AKAP10: variants seen among roughly 807,000 people sequenced by gnomAD.
AKAP10 encodes the protein A-kinase anchor protein 10, mitochondrial.
In AKAP10, 24 loss-of-function variants were observed where a neutral mutation model predicts 80.8. The ratio of observed to expected loss-of-function variants is 0.30; its 90% CI spans 0.22 to 0.42. AKAP10 has a LOEUF of 0.42. Ranked by LOEUF, AKAP10 falls within the 10% of genes least tolerant of loss-of-function variation. The probability of loss-of-function intolerance (pLI) is 1.00; values close to 1 mark genes in which losing one functional copy is unlikely to be tolerated. For synonymous variants in AKAP10, 291 were observed against 277.7 expected, an observed-to-expected ratio of 1.05 and a Z score of -0.48; for missense variants, 661 against 794.9, an observed-to-expected ratio of 0.83 and a Z score of 2.03.
intron 10 of AKAP10, among the ~76,000 whole-genome samples, chr17:19,927,289 G>A (rs1468011501): frequency 2.0e-5 from 3 of 152,072 alleles, no homozygotes; most frequent in Admixed American, 1.3e-4. Context: ...AGCTGTGATT[G>A]TGCCACTGCA....
rs2043053317 is a variant in AKAP10, at chr17:19,941,806, GA to G, written c.1061+19del. The G allele has an allele frequency of 6.6e-7, 1 of 1,526,656 alleles. No individual in the cohort carries two copies. Among genetic ancestry groups the G allele is most frequent in the Non-Finnish European group, 8.8e-7 (1 of 1,133,194 alleles). 94.6% of individuals were successfully genotyped at this position (1,526,656 alleles called of 1,614,324 possible). A position where few individuals can be genotyped will look rare whatever the true frequency, so the allele number is the denominator to read the frequency against. On this transcript the variant is annotated intron_variant, in intron 6 of 14. Transcript: ENST00000225737. ...CCAAATTCCCTAGGATGCACAATGTGAAAATATGAACTAACTTACTCTTGCT... is the reference window on the plus strand; with the variant it reads ...CCAAATTCCCTAGGATGCACAATGTGAAATATGAACTAACTTACTCTTGCT...
At chr17:19,941,706 G>T in intron 6 of AKAP10, 120 bp downstream of exon 6, 1 of 619,762 alleles carries the variant, frequency 1.6e-6, no homozygotes, top group Non-Finnish European at 2.4e-6. Flanking sequence ...ATATGATCTT[G>T]TAAATATCCA....
intron 5 of AKAP10, among the ~76,000 whole-genome samples, chr17:19,944,996 AACT>A (rs2043088072): frequency 6.6e-6 from 1 of 152,244 alleles, no homozygotes; most frequent in Admixed American, 6.5e-5. Flanking sequence ...AAAATAGTCC[AACT>A]GCAAGAGGAG....
intron 1 of AKAP10, 134 bp downstream of exon 1, chr17:19,977,458 A>C (rs929272923): frequency 1.7e-5 from 10 of 600,866 alleles, no homozygotes; most frequent in Non-Finnish European, 2.4e-5. Context: ...CAAGGCACTC[A>C]GGGGGCATCT....
At chr17:19,943,962 T>C (rs1270863060) in intron 5 of AKAP10, among the ~76,000 whole-genome samples, 1 of 151,870 alleles carries the variant, frequency 6.6e-6, no homozygotes, top group Non-Finnish European at 1.5e-5. Context: ...GGTTCTGTTT[T>C]GTGAGAGTTC....
chr17:19,914,241 T>C (rs976559180), intron 12 of AKAP10, among the ~76,000 whole-genome samples: 1 of 152,192 alleles, frequency 6.6e-6, no homozygotes, highest in Non-Finnish European at 1.5e-5. Flanking sequence ...GCTCAACCAA[T>C]TCTCCAACCC....
rs1177544834 is a variant in AKAP10 at position 19,946,271 on chromosome 17, ATATATT to A, written c.976+1130_976+1135del. The stretch of plus-strand genomic sequence containing the variant: ...TATATATATATATATATATATATAT[ATATATT>A]TTTTTTTTTTTTTTTTTTTTTTGGC... On this transcript the variant is annotated intron_variant, in intron 5 of 14. Transcript: ENST00000225737. 1.8e-3 allele frequency among the ~76,000 whole-genome samples: 42 copies of A among 23,350 alleles called. 4 individuals carry two copies. Among genetic ancestry groups the A allele is most frequent in the African/African-American group, 6.3e-3 (37 of 5,860 alleles). 15.3% of individuals were successfully genotyped at this position (23,350 alleles called of 152,430 possible).
chr17:19,954,745 A>C (rs2043254724), intron 4 of AKAP10, among the ~76,000 whole-genome samples: 1 of 150,696 alleles, frequency 6.6e-6, no homozygotes, highest in South Asian at 2.1e-4. Flanking sequence ...TGCCCACCTC[A>C]GCTTCTCAAA....
intron 10 of AKAP10, among the ~76,000 whole-genome samples, chr17:19,927,257 C>G (rs958456983): frequency 6.6e-6 from 1 of 152,016 alleles, no homozygotes; most frequent in African/African-American, 2.4e-5. Context: ...TCACTTCGGC[C>G]CAGGAAGTTG....
chr17:19,961,178 C>CAAAA (rs776903538), intron 3 of AKAP10, among the ~76,000 whole-genome samples: 1 of 55,510 alleles, frequency 1.8e-5, no homozygotes, highest in African/African-American at 5.9e-5. Context: ...CCCGTCTCTA[C>CAAAA]AAAAAAAAAA....
chr17:19,950,615 A>G (rs559143672), intron 4 of AKAP10, among the ~76,000 whole-genome samples: 3 of 152,322 alleles, frequency 2.0e-5, no homozygotes, highest in Non-Finnish European at 2.9e-5. Context: ...TCAATGCTCA[A>G]TGTTGCCCAG....
At chr17:19,934,156 G>A (rs553243172) in intron 9 of AKAP10, among the ~76,000 whole-genome samples, 15 of 151,994 alleles carry the variant, frequency 9.9e-5, no homozygotes, top group Non-Finnish European at 4.4e-5. Context: ...CCTGACCTCA[G>A]GTGATCCACC....
intron 2 of AKAP10, among the ~76,000 whole-genome samples, chr17:19,964,479 GTTC>G (rs1170286418): frequency 6.6e-6 from 1 of 152,126 alleles, no homozygotes; most frequent in African/African-American, 2.4e-5. Context: ...GAGGCTATCT[GTTC>G]TTCTTTTATT....
At chr17:19,940,805 AT>A in intron 7 of AKAP10, 81 bp downstream of exon 7, 1 of 1,426,216 alleles carries the variant, frequency 7.0e-7, no homozygotes, top group Non-Finnish European at 9.2e-7. Context: ...CTTCTGTGTT[AT>A]TTCCTATAGA....
In AKAP10 at chr17:19,947,521, A is replaced by G; in HGVS notation, c.878-16T>C. 6.3e-7 allele frequency: 1 copy of G among 1,594,150 alleles called. No homozygotes were observed. The highest frequency in any genetic ancestry group is 1.1e-5 in the South Asian group (1 of 90,378). ...TGTTCTATACCTGCAAGGGAAGAAG[A>G]GAACTTCAAAAACCAAAAAGCAACT... On this transcript the variant is annotated splice_polypyrimidine_tract_variant and intron_variant, in intron 4 of 14. Transcript: ENST00000225737.
At chr17:19,959,054 T>C (rs530891891) in intron 3 of AKAP10, among the ~76,000 whole-genome samples, 3 of 152,162 alleles carry the variant, frequency 2.0e-5, no homozygotes, top group Admixed American at 2.0e-4. Flanking sequence ...GGTTTCACCA[T>C]GTTGGTCAGG....
chr17:19,915,451 G>A (rs2042734136), intron 12 of AKAP10, among the ~76,000 whole-genome samples: 4 of 152,202 alleles, frequency 2.6e-5, no homozygotes, highest in Admixed American at 2.6e-4. Flanking sequence ...ATTCAGCATA[G>A]TGCCTGGCAC....
chr17:19,951,169 A>AGCCGCCCCG (rs2043203701), intron 4 of AKAP10, among the ~76,000 whole-genome samples: 1 of 70,210 alleles, frequency 1.4e-5, no homozygotes, highest in Non-Finnish European at 3.1e-5. Flanking sequence ...CAGCCGCCCC[A>AGCCGCCCCG]TCTGGGAGGG....
At chr17:19,976,656 A>G (rs112291020) in intron 1 of AKAP10, among the ~76,000 whole-genome samples, 14,355 of 151,772 alleles carry the variant, frequency 0.095, 776 homozygotes, top group Non-Finnish European at 0.12. Flanking sequence ...AGTAGCTGGC[A>G]TTACAGGCAT....
Sources: gnomAD v4.1 joint callset for allele counts (sites outside exome capture counted in the v4.1 genomes callset) on GRCh38, gnomAD v4.1.1 for gene constraint, MANE v1.5 for transcripts, NCBI Gene and HGNC (gene_info 2026-07-23, HGNC 2026-07-21) for gene names.